The following ACACA variants were observed in gnomAD, a reference collection of about 807,000 sequenced individuals.
The protein encoded by ACACA is acetyl-CoA carboxylase alpha, also known as acetyl-CoA carboxylase 1.
In ACACA, 103 loss-of-function variants were observed where a neutral mutation model predicts 296.1. That is an observed-to-expected ratio of 0.35 (90% confidence interval 0.30 to 0.41). The LOEUF (loss-of-function observed/expected upper bound fraction) is 0.41. Ranked by LOEUF, ACACA falls within the 10% of genes least tolerant of loss-of-function variation. The probability of loss-of-function intolerance (pLI) is 1.00; values close to 1 mark genes in which losing one functional copy is unlikely to be tolerated. For missense variants in ACACA, 1,554 were observed against 2,989.7 expected, an observed-to-expected ratio of 0.52 and a Z score of 11.20; for synonymous variants, 953 against 1,038.6, an observed-to-expected ratio of 0.92 and a Z score of 1.58.
At chr17:37,398,281 C>CTTTT (rs777127866) in intron 1 of ACACA, among the ~76,000 whole-genome samples, 29 of 79,200 alleles carry the variant, frequency 3.7e-4, no homozygotes, top group African/African-American at 6.1e-4. Flanking sequence ...TGTGGTATCA[C>CTTTT]TTTTTTTTTT....
chr17:37,143,964 T>G (rs2075709376), intron 45 of ACACA: 2 of 945,340 alleles, frequency 2.1e-6, no homozygotes, highest in Non-Finnish European at 1.7e-6. Flanking sequence ...CTTTGATTTT[T>G]GGGCGATACT....
chr17:37,253,065 G>A, intron 14 of ACACA, 29 bp from the exon 15 acceptor site: 1 of 1,614,124 alleles, frequency 6.2e-7, no homozygotes, highest in Non-Finnish European at 8.5e-7. Context: ...ATCTGTTTCA[G>A]CAACAAACAC....
At chr17:37,152,288 A>G (rs1466164329) in intron 43 of ACACA, among the ~76,000 whole-genome samples, 1 of 152,198 alleles carries the variant, frequency 6.6e-6, no homozygotes, top group Non-Finnish European at 1.5e-5. Context: ...TATTTTCTAG[A>G]ACAAGTTTCT....
At chr17:37,268,737 C>CTATATATATATATATATA (rs1302264722) in intron 10 of ACACA, among the ~76,000 whole-genome samples, 15 of 70,926 alleles carry the variant, frequency 2.1e-4, no homozygotes, top group African/African-American at 8.5e-4. Flanking sequence ...ATCTATCTAT[C>CTATATATATATATATATA]TATCTATATA....
chr17:37,085,701 C>T lies in ACACA; in HGVS notation c.*1615G>A. On this transcript the variant is annotated 3_prime_UTR_variant, in exon 56 of 56. Coordinates refer to ENST00000616317, the MANE Select transcript of ACACA (RefSeq NM_198834.3). ...CGCTCCATACCCAGCCATACAGTGC[C>T]CACCTGCAACCCAGAACCATTGAAA... 1 of 399,136 alleles carries T rather than the reference C, an allele frequency of 2.5e-6. No individual in the cohort carries two copies. Among genetic ancestry groups the T allele is most frequent in the Non-Finnish European group, 4.4e-6 (1 of 226,210 alleles). 24.7% of individuals were successfully genotyped at this position (399,136 alleles called of 1,614,324 possible).
At chr17:37,179,220 C>A (rs2077229405) in intron 41 of ACACA, 40 bp downstream of exon 41, 2 of 1,613,720 alleles carry the variant, frequency 1.2e-6, no homozygotes, top group African/African-American at 1.3e-5. Context: ...TACTAGTGGG[C>A]ACAGAGATAA....
intron 42 of ACACA, 113 bp from the exon 43 acceptor site, chr17:37,155,893 T>C (rs1292585424): frequency 6.6e-6 from 5 of 754,970 alleles, no homozygotes; most frequent in African/African-American, 5.1e-5. Context: ...AATTGCCACA[T>C]CACTTCTTAG....
intron 3 of ACACA, among the ~76,000 whole-genome samples, chr17:37,288,081 G>C (rs1280501511): frequency 1.3e-5 from 2 of 152,042 alleles, no homozygotes; most frequent in East Asian, 1.9e-4. Context: ...AGAAAACCAG[G>C]TTTCATGGTC....
chr17:37,398,701 A>G lies in ACACA; in HGVS notation c.38+7561T>C, dbSNP rs1330411083. Among the ~76,000 whole-genome samples, 2 of 73,216 alleles carry G rather than the reference A, an allele frequency of 2.7e-5. 1 individual carries two copies. The highest frequency in any genetic ancestry group is 1.6e-4 in the African/African-American group (2 of 12,588). The allele number at this position is 73,216 out of a possible 152,430, so 48.0% of individuals were successfully genotyped here. On this transcript the variant is annotated intron_variant, in intron 1 of 55. Transcript: ENST00000616317. Reference sequence around the variant, plus strand: ...TGAGTTCAAGCGATTCTCCTGCCTTAGCCTCCCGGGTAGCTGGGATTACAG... The same window carrying G: ...TGAGTTCAAGCGATTCTCCTGCCTTGGCCTCCCGGGTAGCTGGGATTACAG...
chr17:37,361,140 G>A (rs193154511), intron 1 of ACACA, among the ~76,000 whole-genome samples: 7 of 150,874 alleles, frequency 4.6e-5, no homozygotes, highest in African/African-American at 1.7e-4. Flanking sequence ...CCAGGTTCAA[G>A]CCATTCTCCT....
At chr17:37,253,781 A>C (rs1240128630) in intron 14 of ACACA, among the ~76,000 whole-genome samples, 1 of 152,210 alleles carries the variant, frequency 6.6e-6, no homozygotes, top group Admixed American at 6.5e-5. Context: ...CATACAATAA[A>C]ATATACTTAT....
intron 33 of ACACA, among the ~76,000 whole-genome samples, chr17:37,201,484 T>C (rs765229297): frequency 2.0e-5 from 3 of 150,688 alleles, no homozygotes; most frequent in Non-Finnish European, 4.4e-5. Flanking sequence ...CAGCCACTTA[T>C]ACGAGTCTTG....
chr17:37,103,414 T>C (rs1261705867), intron 52 of ACACA, among the ~76,000 whole-genome samples: 3 of 152,194 alleles, frequency 2.0e-5, no homozygotes, highest in Admixed American at 6.5e-5. Flanking sequence ...AAGCTCCCTG[T>C]ACAATTAAAT....
chr17:37,173,906 T>C (rs1360916409), intron 41 of ACACA, among the ~76,000 whole-genome samples: 2 of 140,550 alleles, frequency 1.4e-5, no homozygotes, highest in East Asian at 2.1e-4. Flanking sequence ...CTCCACCTCC[T>C]GGGCTCAAGA....
chr17:37,284,729 A>G, intron 4 of ACACA, 109 bp downstream of exon 4: 19 of 1,442,588 alleles, frequency 1.3e-5, no homozygotes, highest in Non-Finnish European at 1.7e-5. Flanking sequence ...AAAGAGGCAA[A>G]GCCTCTGAGA....
rs527686325 is a variant in ACACA at position 37,193,476 on chromosome 17, A to G, written c.4159-61T>C. ...TCATAGACATGGCTCTTTGAGAACA[A>G]ACAGTATAGAAACAGTTAAGCATTT... On this transcript the variant is annotated intron_variant, in intron 35 of 55. Transcript: ENST00000616317. 5 of 1,268,410 alleles carry G rather than the reference A, an allele frequency of 3.9e-6. No individual in the cohort carries two copies. In the Admixed American group the frequency reaches 5.1e-5, roughly 13 times the overall value. The allele number at this position is 1,268,410 out of a possible 1,614,324, so 78.6% of individuals were successfully genotyped here. A position where few individuals can be genotyped will look rare whatever the true frequency, so the allele number is the denominator to read the frequency against.
In ACACA at chr17:37,270,998, C is replaced by A. The variant is rs920388910; in HGVS notation, c.1009-137G>T. 7 of 693,856 alleles carry A rather than the reference C, an allele frequency of 1.0e-5. No homozygotes were observed. In the African/African-American group the frequency reaches 1.1e-4, roughly 11 times the overall value. The allele number at this position is 693,856 out of a possible 1,614,324, so 43.0% of individuals were successfully genotyped here. On this transcript the variant is annotated intron_variant, in intron 9 of 55. Coordinates refer to ENST00000616317, the MANE Select transcript of ACACA (RefSeq NM_198834.3). ...ATAAAATAGAAAGATCTTCAAGATACACTATGAAAAAATAAATAGTAGAAC... is the reference window on the plus strand; with the variant it reads ...ATAAAATAGAAAGATCTTCAAGATAAACTATGAAAAAATAAATAGTAGAAC...
chr17:37,354,916 G>A (rs2049064114), intron 1 of ACACA, among the ~76,000 whole-genome samples: 1 of 152,100 alleles, frequency 6.6e-6, no homozygotes, highest in Non-Finnish European at 1.5e-5. Flanking sequence ...GGGTGACACA[G>A]CGAGAGAATC....
At chr17:37,187,791 G>A (rs1452435879) in intron 39 of ACACA, among the ~76,000 whole-genome samples, 1 of 152,166 alleles carries the variant, frequency 6.6e-6, no homozygotes, top group Non-Finnish European at 1.5e-5. Flanking sequence ...AAATATGATA[G>A]ACACTGATGA....
Sources: allele counts gnomAD v4.1 joint callset (sites outside exome capture counted in the v4.1 genomes callset), GRCh38; gene constraint gnomAD v4.1.1; transcripts MANE v1.5; gene names NCBI Gene and HGNC (gene_info 2026-07-23, HGNC 2026-07-21).